PAFAH1B1: variants seen among roughly 807,000 people sequenced by gnomAD.
The protein encoded by PAFAH1B1 is platelet activating factor acetylhydrolase 1b regulatory subunit 1.
A neutral mutation model predicts 57.5 loss-of-function variants in PAFAH1B1; 2 were observed. That is an observed-to-expected ratio of 0.03 (90% CI 0.01 to 0.11). The LOEUF is 0.11. Among genes scored for constraint, PAFAH1B1 ranks in the 10% least tolerant of loss-of-function variants. PAFAH1B1 has a pLI of 1.00. For missense variants in PAFAH1B1, 257 were observed against 512.0 expected (o/e 0.50, Z 4.81); for synonymous variants, 152 against 169.6 (o/e 0.90, Z 0.81).
chr17:2,670,340 T>C lies in PAFAH1B1; in HGVS notation c.568+9T>C. The C allele has an allele frequency of 6.2e-7, 1 of 1,608,728 alleles. No homozygotes were observed. The highest frequency in any genetic ancestry group is 8.5e-7 in the Non-Finnish European group (1 of 1,175,166). ...CATCAGAACCATGCACGGTAAGGGG[T>C]AGAGGATAGTGCTTTAACAGTAATT... On this transcript the variant is annotated intron_variant, in intron 6 of 10. Transcript: ENST00000397195.
intron 2 of PAFAH1B1, among the ~76,000 whole-genome samples, chr17:2,655,025 C>G (rs956905606): frequency 6.7e-6 from 1 of 149,832 alleles, no homozygotes; most frequent in Admixed American, 6.7e-5. Flanking sequence ...GCTCATAACT[C>G]TGGGGCTCAA....
intron 2 of PAFAH1B1, among the ~76,000 whole-genome samples, chr17:2,646,614 C>G (rs1050767434): frequency 1.3e-5 from 2 of 151,702 alleles, no homozygotes; most frequent in Non-Finnish European, 2.9e-5. Flanking sequence ...GTTGCGCACT[C>G]CAGCCTGGGC....
At position 2,681,969 on chromosome 17, in the gene PAFAH1B1, G is replaced by A. The variant is rs1321809986; in HGVS notation, c.*167G>A. On this transcript the variant is annotated 3_prime_UTR_variant, in exon 11 of 11. Coordinates refer to ENST00000397195, the MANE Select transcript of PAFAH1B1 (RefSeq NM_000430.4). ...TACACACAAAGTATTCATGCATGGTGAATCCAAATTGTATACTGTAAATTT... is the reference window on the plus strand; with the variant it reads ...TACACACAAAGTATTCATGCATGGTAAATCCAAATTGTATACTGTAAATTT... The A allele has an allele frequency of 1.0e-5, 6 of 599,006 alleles. No homozygotes were observed. Among genetic ancestry groups the A allele is most frequent in the Non-Finnish European group, 1.8e-5 (6 of 338,636 alleles). The allele number at this position is 599,006 out of a possible 1,614,324, so 37.1% of individuals were successfully genotyped here.
intron 1 of PAFAH1B1, among the ~76,000 whole-genome samples, chr17:2,632,563 C>T (rs966544915): frequency 2.6e-5 from 4 of 152,130 alleles, no homozygotes; most frequent in East Asian, 1.9e-4. Context: ...TGTTCTTTAA[C>T]GTACAGTTGG....
intron 10 of PAFAH1B1, 45 bp downstream of exon 10, chr17:2,680,365 CCAGA>C (rs1174557519): frequency 6.5e-7 from 1 of 1,545,408 alleles, no homozygotes; most frequent in African/African-American, 1.4e-5. Flanking sequence ...TTTTGGAGTG[CCAGA>C]CAAACTGTGT....
At chr17:2,596,028 T>C (rs2068080996) in intron 1 of PAFAH1B1, among the ~76,000 whole-genome samples, 1 of 152,216 alleles carries the variant, frequency 6.6e-6, no homozygotes, top group Non-Finnish European at 1.5e-5. Flanking sequence ...ATATGAATGG[T>C]TGCTACAACT....
At chr17:2,663,680 G>A (rs2069051772) in intron 2 of PAFAH1B1, among the ~76,000 whole-genome samples, 1 of 148,430 alleles carries the variant, frequency 6.7e-6, no homozygotes, top group East Asian at 2.0e-4. Context: ...CATCAAAGGT[G>A]GTAGTGCTAA....
At chr17:2,662,742 C>T (rs1283088329) in intron 2 of PAFAH1B1, among the ~76,000 whole-genome samples, 1 of 152,056 alleles carries the variant, frequency 6.6e-6, no homozygotes, top group Admixed American at 6.6e-5. Context: ...TTTTGGTCTA[C>T]TCCATTTTAC....
intron 2 of PAFAH1B1, chr17:2,639,903 A>T (rs942324496): frequency 2.7e-5 from 4 of 149,620 alleles, no homozygotes; most frequent in Non-Finnish European, 5.9e-5. Context: ...TTTTACAATT[A>T]AAAAAAAAAT....
At chr17:2,662,363 AT>A (rs2069027137) in intron 2 of PAFAH1B1, among the ~76,000 whole-genome samples, 1 of 121,340 alleles carries the variant, frequency 8.2e-6, no homozygotes, top group Admixed American at 8.2e-5. Context: ...AACCATTTTT[AT>A]TTTTTTAACC....
upstream of PAFAH1B1, among the ~76,000 whole-genome samples, chr17:2,593,498 C>T (rs1034149910): frequency 6.6e-6 from 1 of 151,536 alleles, no homozygotes; most frequent in African/African-American, 2.4e-5. Flanking sequence ...CGCTAGAAGG[C>T]AGCGCGGCCC....
chr17:2,652,287 T>C (rs7223817), intron 2 of PAFAH1B1, among the ~76,000 whole-genome samples: 126,321 of 147,824 alleles, frequency 0.85, 56,751 homozygotes, highest in East Asian at 1. Flanking sequence ...TGGTGGCGGG[T>C]GCCTGTAGTC....
At chr17:2,616,918 A>G (rs2068350135) in intron 1 of PAFAH1B1, among the ~76,000 whole-genome samples, 1 of 151,912 alleles carries the variant, frequency 6.6e-6, no homozygotes, top group African/African-American at 2.4e-5. Flanking sequence ...CAAAAAAAAA[A>G]AAAAATTAGC....
In PAFAH1B1 at chr17:2,647,518, C is replaced by A. The variant is rs1816240390; in HGVS notation, c.32+9198C>A. Among the ~76,000 whole-genome samples, 3 of 152,140 alleles carry A rather than the reference C, an allele frequency of 2.0e-5. No homozygotes were observed. In the South Asian group the frequency reaches 6.2e-4, roughly 32 times the overall value. The stretch of plus-strand genomic sequence containing the variant: ...TGCCACTGTATTCCAGCCTGGGTGA[C>A]AGAGTGAGACCCTGTCTCAAAAAGG... On this transcript the variant is annotated intron_variant, in intron 2 of 10. Transcript: ENST00000397195.
At chr17:2,666,855 G>T in intron 4 of PAFAH1B1, 137 bp from the exon 5 acceptor site, 1 of 631,700 alleles carries the variant, frequency 1.6e-6, no homozygotes, top group Non-Finnish European at 2.8e-6. Flanking sequence ...ATTTAAATTT[G>T]ACAAATGCTT....
intron 2 of PAFAH1B1, among the ~76,000 whole-genome samples, chr17:2,654,436 A>G (rs555593324): frequency 1.3e-5 from 2 of 151,816 alleles, no homozygotes; most frequent in East Asian, 3.9e-4. Context: ...CAGCCTCTCA[A>G]AGTGTTGGGA....
chr17:2,656,868 A>G (rs1004145126), intron 2 of PAFAH1B1, among the ~76,000 whole-genome samples: 1 of 95,490 alleles, frequency 1.0e-5, no homozygotes, highest in African/African-American at 2.7e-5. Flanking sequence ...AATGTCCTAC[A>G]TAGTCTGTTT....
chr17:2,635,953 C>CAAAA (rs560825633), intron 1 of PAFAH1B1, among the ~76,000 whole-genome samples: 1 of 70,872 alleles, frequency 1.4e-5, no homozygotes, highest in Non-Finnish European at 3.2e-5. Context: ...TAGAAAAATA[C>CAAAA]AAAAAAAAAA....
At chr17:2,598,038 G>A (rs1465683821) in intron 1 of PAFAH1B1, among the ~76,000 whole-genome samples, 1 of 151,932 alleles carries the variant, frequency 6.6e-6, no homozygotes, top group Non-Finnish European at 1.5e-5. Context: ...CCTGAGGTCA[G>A]GAGTTCAAGA....
Sources: allele counts gnomAD v4.1 joint callset (sites outside exome capture counted in the v4.1 genomes callset), GRCh38; gene constraint gnomAD v4.1.1; transcripts MANE v1.5; gene names NCBI Gene and HGNC (gene_info 2026-07-23, HGNC 2026-07-21).